The following SLC8A3 variants were observed in gnomAD, a reference collection of about 807,000 sequenced individuals.
The protein encoded by SLC8A3 is sodium/calcium exchanger 3.
In SLC8A3, 37 loss-of-function variants were observed where a neutral mutation model predicts 65.4. The observed-to-expected ratio is 0.57, with a 90% CI of 0.44 to 0.74. The LOEUF is 0.74. Among genes scored for constraint, SLC8A3 ranks in the 30% least tolerant of loss-of-function variants. The pLI, the probability that SLC8A3 is intolerant of heterozygous loss-of-function variation, is 0.00. For missense variants in SLC8A3, 1,112 were observed against 1,172.1 expected (o/e 0.95, Z 0.75); for synonymous variants, 461 against 444.5 (o/e 1.04, Z -0.47).
chr14:70,091,008 C>G (rs764200778), intron 2 of SLC8A3, among the ~76,000 whole-genome samples: 44 of 152,270 alleles, frequency 2.9e-4, no homozygotes, highest in Middle Eastern at 3.4e-3. Flanking sequence ...GTTGACAACC[C>G]CTGGACTAAG....
intron 6 of SLC8A3, chr14:70,047,838 T>C (rs1417812163): frequency 6.6e-6 from 1 of 152,276 alleles, no homozygotes; most frequent in Non-Finnish European, 1.5e-5. Flanking sequence ...GAACCTGGGC[T>C]AGTGCAGCCC....
intron 2 of SLC8A3, among the ~76,000 whole-genome samples, chr14:70,097,286 TA>T (rs5809459): frequency 0.7 from 102,551 of 145,780 alleles, 36,347 homozygotes; most frequent in East Asian, 0.97. Context: ...CATTTTCCTT[TA>T]AAAAAAAAAA....
At chr14:70,139,962 G>A (rs1036765134) in intron 2 of SLC8A3, among the ~76,000 whole-genome samples, 4 of 152,116 alleles carry the variant, frequency 2.6e-5, no homozygotes, top group African/African-American at 9.7e-5. Flanking sequence ...TCATGAACTT[G>A]GTTAACATCA....
In SLC8A3 at chr14:70,044,221, T is replaced by C. The variant is rs1344740823; in HGVS notation, c.*1726A>G. 2 of 152,144 alleles carry C rather than the reference T, an allele frequency of 1.3e-5. No individual in the cohort carries two copies. The highest frequency in any genetic ancestry group is 2.9e-5 in the Non-Finnish European group (2 of 68,038). The allele number at this position is 152,144 out of a possible 1,614,324, so 9.4% of individuals were successfully genotyped here. ...AACACAGGTAGAAGCAAGCTGTATG[T>C]AGAGAGATATAGTATAGCTTTTATT... On this transcript the variant is annotated 3_prime_UTR_variant, in exon 7 of 7. Transcript: ENST00000356921.
chr14:70,180,619 T>A (rs929716832), intron 1 of SLC8A3, among the ~76,000 whole-genome samples: 1 of 152,190 alleles, frequency 6.6e-6, no homozygotes, highest in Admixed American at 6.5e-5. Context: ...TTGGGGTAGG[T>A]GGAGCATCTA....
At chr14:70,116,412 A>G (rs1447450503) in intron 2 of SLC8A3, among the ~76,000 whole-genome samples, 1 of 151,966 alleles carries the variant, frequency 6.6e-6, no homozygotes, top group African/African-American at 2.4e-5. Flanking sequence ...GGAGCCCAGC[A>G]GGAAGCACAG....
At chr14:70,086,318 A>G (rs1271042341) in intron 2 of SLC8A3, among the ~76,000 whole-genome samples, 1 of 151,702 alleles carries the variant, frequency 6.6e-6, no homozygotes, top group African/African-American at 2.4e-5. Flanking sequence ...GCTTAGTTGG[A>G]CTCCAAGCCC....
Position 70,053,477 on chromosome 14 carries a change from T to G in SLC8A3, c.1889-1363A>C, listed in dbSNP as rs1173141706. On this transcript the variant is annotated intron_variant, in intron 3 of 6. Coordinates refer to ENST00000356921, the MANE Select transcript of SLC8A3 (RefSeq NM_182932.3). ...CATACTCTTTTCCTTTACTTGCAGG[T>G]TTAAGCACCATATCACAATGCCTAT... Among the ~76,000 whole-genome samples, 3 of 152,354 alleles carry G rather than the reference T, an allele frequency of 2.0e-5. No homozygotes were observed. In the East Asian group the frequency reaches 5.8e-4, roughly 29 times the overall value.
rs905087325 is a variant in SLC8A3 at position 70,094,646 on chromosome 14, G to T, written c.1785-33707C>A. Among the ~76,000 whole-genome samples, 5 of 152,320 alleles carry T rather than the reference G, an allele frequency of 3.3e-5. No homozygotes were observed. In the South Asian group the frequency reaches 1.0e-3, roughly 32 times the overall value. On this transcript the variant is annotated intron_variant, in intron 2 of 6. Transcript: ENST00000356921. ...TCCCAGCATGGGGACATTGAGGGAG[G>T]AGTGGGGTTCAGTTTGTCAGCCTGC...
At chr14:70,111,694 A>G (rs11158833) in intron 2 of SLC8A3, among the ~76,000 whole-genome samples, 100,622 of 152,172 alleles carry the variant, frequency 0.66, 34,836 homozygotes, top group South Asian at 0.77. Flanking sequence ...CTCATAAATT[A>G]TTACCCTTCT....
intron 2 of SLC8A3, among the ~76,000 whole-genome samples, chr14:70,071,597 T>C (rs554224226): frequency 1.1e-4 from 17 of 152,196 alleles, no homozygotes; most frequent in Admixed American, 5.9e-4. Flanking sequence ...CTGAATAAGG[T>C]TGGAAGCGTA....
intron 3 of SLC8A3, among the ~76,000 whole-genome samples, chr14:70,058,415 A>G (rs1369247032): frequency 1.3e-5 from 2 of 152,188 alleles, no homozygotes; most frequent in Non-Finnish European, 2.9e-5. Context: ...CGCCTAGAAA[A>G]CATAGACAAT....
chr14:70,176,137 G>C (rs1470904514), intron 1 of SLC8A3, among the ~76,000 whole-genome samples: 2 of 152,224 alleles, frequency 1.3e-5, no homozygotes, highest in Non-Finnish European at 1.5e-5. Context: ...AAATGTGCTA[G>C]ACTTGTGTAA....
rs1475703799 is a variant in SLC8A3 at position 70,166,962 on chromosome 14, G to A, written c.1461C>T (p.Val487=). The part of the protein sequence containing the change: ...DEHFFVRLSN[V]RIEEEQPEEG... ...CCTCTGGCTGCTCCTCCTCTATGCG[G>A]ACATTGCTCAACCTTACAAAGAAGT... is the stretch of plus-strand genomic sequence containing the variant. Residue 487 remains valine (V), a synonymous_variant, in exon 2 of 7, where the codon GTC becomes GTT. Coordinates refer to ENST00000356921, the MANE Select transcript of SLC8A3 (RefSeq NM_182932.3). 1 of 1,614,162 alleles carries A rather than the reference G, an allele frequency of 6.2e-7. No individual in the cohort carries two copies. The highest frequency in any genetic ancestry group is 1.7e-5 in the Admixed American group (1 of 60,032).
intron 2 of SLC8A3, among the ~76,000 whole-genome samples, chr14:70,106,794 T>G (rs1892906641): frequency 6.6e-6 from 1 of 152,122 alleles, no homozygotes; most frequent in Non-Finnish European, 1.5e-5. Context: ...TTGTCTATAT[T>G]CCTACCAAAT....
At chr14:70,091,828 A>T (rs1422006554) in intron 2 of SLC8A3, among the ~76,000 whole-genome samples, 2 of 152,202 alleles carry the variant, frequency 1.3e-5, no homozygotes, top group Admixed American at 6.5e-5. Flanking sequence ...TATTTTGCTC[A>T]TCTCACCATC....
At position 70,162,699 on chromosome 14, in the gene SLC8A3, G is replaced by C. The variant is rs545991568; in HGVS notation, c.1784+3940C>G. Among the ~76,000 whole-genome samples, 4 of 152,260 alleles carry C rather than the reference G, an allele frequency of 2.6e-5. No individual in the cohort carries two copies. The South Asian group carries it at 8.3e-4, about 32-fold the overall frequency. ...AGAACCCATACCTCTGTGAGGTTTTGTCATTGCATGCTACAGTCTTAAAGG... is the reference window on the plus strand; with the variant it reads ...AGAACCCATACCTCTGTGAGGTTTTCTCATTGCATGCTACAGTCTTAAAGG... On this transcript the variant is annotated intron_variant, in intron 2 of 6. Coordinates refer to ENST00000356921, the MANE Select transcript of SLC8A3 (RefSeq NM_182932.3).
intron 2 of SLC8A3, among the ~76,000 whole-genome samples, chr14:70,064,240 A>C (rs549254922): frequency 6.6e-6 from 1 of 152,274 alleles, no homozygotes; most frequent in East Asian, 1.9e-4. Context: ...ACATAATTTA[A>C]CTGATAAACA....
intron 3 of SLC8A3, chr14:70,055,803 T>C (rs779743882): frequency 6.2e-7 from 1 of 1,611,126 alleles, no homozygotes; most frequent in East Asian, 2.2e-5. Flanking sequence ...TACCTGGAGA[T>C]AACAGGAGCG....
Sources: allele counts gnomAD v4.1 joint callset (sites outside exome capture counted in the v4.1 genomes callset), GRCh38; gene constraint gnomAD v4.1.1; transcripts MANE v1.5; gene names NCBI Gene and HGNC (gene_info 2026-07-23, HGNC 2026-07-21).